SKP2: variants seen among roughly 807,000 people sequenced by gnomAD.
SKP2 encodes the protein S-phase kinase-associated protein 2.
Under a neutral mutation model 51.8 loss-of-function variants are expected in SKP2, and 16 were observed. That is an observed-to-expected ratio of 0.31 (90% confidence interval 0.21 to 0.47). The LOEUF (loss-of-function observed/expected upper bound fraction) is 0.47. Among genes scored for constraint, SKP2 ranks in the 20% least tolerant of loss-of-function variants. SKP2 has a pLI of 1.00. For synonymous variants in SKP2, 176 were observed against 198.6 expected, an observed-to-expected ratio of 0.89 and a Z score of 0.96; for missense variants, 377 against 505.3, an observed-to-expected ratio of 0.75 and a Z score of 2.43.
intron 2 of SKP2, among the ~76,000 whole-genome samples, chr5:36,159,561 G>T (rs1745060330): frequency 6.6e-6 from 1 of 152,150 alleles, no homozygotes. Flanking sequence ...CAGGAATACT[G>T]GGGAGTCCCC....
At chr5:36,170,542 C>A in intron 6 of SKP2, 100 bp downstream of exon 6, 1 of 669,162 alleles carries the variant, frequency 1.5e-6, no homozygotes, top group Non-Finnish European at 2.5e-6. Context: ...GCTTTTTGTA[C>A]TTTCCAGGCT....
chr5:36,192,424 A>T (rs1220581355), intron 6 of SKP2, among the ~76,000 whole-genome samples: 1 of 152,202 alleles, frequency 6.6e-6, no homozygotes, highest in Non-Finnish European at 1.5e-5. Flanking sequence ...AATGGAATGA[A>T]TTTAAGTGAT....
chr5:36,186,757 C>G (rs899982811), downstream of SKP2, among the ~76,000 whole-genome samples: 1 of 152,140 alleles, frequency 6.6e-6, no homozygotes, highest in South Asian at 2.1e-4. Flanking sequence ...GCTGGCCTCA[C>G]AAAATGAGTT....
intron 6 of SKP2, among the ~76,000 whole-genome samples, chr5:36,191,189 G>A (rs553687843): frequency 1.6e-4 from 24 of 152,162 alleles, no homozygotes; most frequent in African/African-American, 5.5e-4. Flanking sequence ...TCTAGACCAG[G>A]GGTGATTTTC....
chr5:36,176,158 T>G (rs2112000777), intron 7 of SKP2, among the ~76,000 whole-genome samples: 1 of 152,124 alleles, frequency 6.6e-6, no homozygotes, highest in South Asian at 2.1e-4. Context: ...TTTTATTTGG[T>G]ATTTCTTGCT....
chr5:36,189,947 T>C (rs1450047994), intron 6 of SKP2, among the ~76,000 whole-genome samples: 1 of 152,160 alleles, frequency 6.6e-6, no homozygotes, highest in Non-Finnish European at 1.5e-5. Context: ...GCCTCGCTGC[T>C]GCCTTGCAGT....
Position 36,175,110 on chromosome 5 carries a change from G to A in SKP2, c.902-1855G>A, listed in dbSNP as rs960721958. Among the ~76,000 whole-genome samples, 4 of 152,092 alleles carry A rather than the reference G, an allele frequency of 2.6e-5. No homozygotes were observed. The East Asian group carries it at 7.7e-4, about 29-fold the overall frequency. ...GCAGGGAGACCAGTTAGCAGACTAG[G>A]CTGGTGACACTTAAGGTGGTAAGAA... is the stretch of plus-strand genomic sequence containing the variant. On this transcript the variant is annotated intron_variant, in intron 7 of 9. Coordinates refer to ENST00000274255, the MANE Select transcript of SKP2 (RefSeq NM_005983.4).
rs572896660 is a variant in SKP2, at chr5:36,190,315, CTG to C, written c.633-2305_633-2304del. ...TCACCCGTATTCTGCGTCGCTCACA[CTG>C]GGAGCTGTAGACTGGAGCTGTTCCT... is the stretch of plus-strand genomic sequence containing the variant. On this transcript the variant is annotated intron_variant, in intron 6 of 7. Transcript: ENST00000677886. 2.6e-3 allele frequency among the ~76,000 whole-genome samples: 391 copies of C among 152,270 alleles called. 1 individual carries two copies. The highest frequency in any genetic ancestry group is 9.1e-3 in the African/African-American group (378 of 41,560).
chr5:36,155,862 A>G (rs969590784), intron 2 of SKP2, among the ~76,000 whole-genome samples: 2 of 152,208 alleles, frequency 1.3e-5, no homozygotes, highest in African/African-American at 4.8e-5. Flanking sequence ...ACAAGACAGA[A>G]GTTTCCGGAG....
At chr5:36,166,998 C>T (rs1745309285) in intron 4 of SKP2, among the ~76,000 whole-genome samples, 1 of 151,844 alleles carries the variant, frequency 6.6e-6, no homozygotes, top group Non-Finnish European at 1.5e-5. Context: ...GCAAGGGTGC[C>T]CAGTTACTTC....
At chr5:36,172,529 A>G (rs1376487776) in intron 7 of SKP2, among the ~76,000 whole-genome samples, 3 of 152,260 alleles carry the variant, frequency 2.0e-5, no homozygotes, top group Non-Finnish European at 4.4e-5. Flanking sequence ...TGTGGGCTCT[A>G]CAAAACCTAG....
At chr5:36,153,206 C>T (rs1449117747) in intron 2 of SKP2, among the ~76,000 whole-genome samples, 164 bp downstream of exon 2, 1 of 139,402 alleles carries the variant, frequency 7.2e-6, no homozygotes, top group Non-Finnish European at 1.5e-5. Flanking sequence ...ATGCAGGAAT[C>T]TTGGTAGATA....
chr5:36,166,714 A>G, intron 4 of SKP2, 52 bp downstream of exon 4: 1 of 1,477,958 alleles, frequency 6.8e-7, no homozygotes. Context: ...CGAGGTAGAA[A>G]CAGATCAAAG....
chr5:36,154,731 C>T (rs892607610), intron 2 of SKP2, among the ~76,000 whole-genome samples: 20 of 152,034 alleles, frequency 1.3e-4, no homozygotes, highest in Non-Finnish European at 2.6e-4. Context: ...GTTGCGGGGG[C>T]GTTCTCACCA....
intron 7 of SKP2, among the ~76,000 whole-genome samples, chr5:36,174,504 T>C (rs1392426544): frequency 6.6e-6 from 1 of 152,156 alleles, no homozygotes; most frequent in Non-Finnish European, 1.5e-5. Context: ...TGTACTTTTT[T>C]CATTTTTTGG....
intron 2 of SKP2, among the ~76,000 whole-genome samples, chr5:36,154,717 G>A (rs1744887469): frequency 6.6e-6 from 1 of 152,034 alleles, no homozygotes. Context: ...TTGTAGAGAT[G>A]GAGGTTGCGG....
chr5:36,159,773 T>G (rs532306546), intron 2 of SKP2, among the ~76,000 whole-genome samples: 10 of 152,322 alleles, frequency 6.6e-5, no homozygotes, highest in Non-Finnish European at 1.2e-4. Context: ...CTCTTTCTAG[T>G]GCTTCCTGGC....
At chr5:36,190,846 G>C (rs1297538627) in intron 6 of SKP2, among the ~76,000 whole-genome samples, 1 of 151,912 alleles carries the variant, frequency 6.6e-6, no homozygotes, top group Non-Finnish European at 1.5e-5. Context: ...TAACTATTTT[G>C]GTATATACCT....
chr5:36,152,695 C>T (rs1744779825), intron 1 of SKP2, 76 bp from the exon 2 acceptor site: 2 of 1,481,300 alleles, frequency 1.4e-6, no homozygotes, highest in Admixed American at 1.9e-5. Flanking sequence ...GCATAAACTG[C>T]AGCTTCTTTA....
Sources: allele counts gnomAD v4.1 joint callset (sites outside exome capture counted in the v4.1 genomes callset), GRCh38; gene constraint gnomAD v4.1.1; transcripts MANE v1.5; gene names NCBI Gene and HGNC (gene_info 2026-07-23, HGNC 2026-07-21).